Variants in GCNT2 observed in about 807,000 individuals in gnomAD.
The protein encoded by GCNT2 is N-acetyllactosaminide beta-1,6-N-acetylglucosaminyl-transferase.
Under a neutral mutation model 34.2 loss-of-function variants are expected in GCNT2, and 34 were observed. That is an observed-to-expected ratio of 1.00 (90% CI 0.76 to 1.32). The LOEUF (loss-of-function observed/expected upper bound fraction) is 1.32, where lower values mean the gene tolerates loss of function less well. Among genes scored for constraint, GCNT2 ranks in the 40% most tolerant of loss-of-function variants. The probability of loss-of-function intolerance (pLI) is 0.00; values close to 1 mark genes in which losing one functional copy is unlikely to be tolerated. For synonymous variants in GCNT2, 212 were observed against 188.0 expected (o/e 1.13, Z -1.04); for missense variants, 584 against 489.4 (o/e 1.19, Z -1.82).
chr6:10,533,800 CAAAAAAAAAA>C (rs869274003), intron 3 of GCNT2, among the ~76,000 whole-genome samples: 10 of 43,376 alleles, frequency 2.3e-4, no homozygotes, highest in South Asian at 2.4e-3. Flanking sequence ...GACTCTGTCT[CAAAAAAAAAA>C]AAAAAAAAAA....
rs1216362436 is a variant in GCNT2, at chr6:10,534,708, C to A, written c.925+4872C>A. ...ATACCTTGTCTCTACAAAAAAAAAT[C>A]AAAAAATAGTCAGGCGTGGTGGCAT... is the stretch of plus-strand genomic sequence containing the variant. On this transcript the variant is annotated intron_variant, in intron 3 of 4. Coordinates refer to ENST00000495262, the MANE Select transcript of GCNT2 (RefSeq NM_145649.5). 5.4e-5 allele frequency among the ~76,000 whole-genome samples: 8 copies of A among 148,906 alleles called. No individual in the cohort carries two copies. In the South Asian group the frequency reaches 1.0e-3, roughly 19 times the overall value.
intron 3 of GCNT2, among the ~76,000 whole-genome samples, chr6:10,563,756 G>GAAAAAAAAAAAAAA: frequency 1.8e-5 from 1 of 55,792 alleles, no homozygotes; most frequent in Non-Finnish European, 3.6e-5. Flanking sequence ...AAAGAAAAAA[G>GAAAAAAAAAAAAAA]AAAAAAAAAA....
At chr6:10,584,537 T>C (rs975360920) in intron 3 of GCNT2, among the ~76,000 whole-genome samples, 28 of 152,128 alleles carry the variant, frequency 1.8e-4, no homozygotes, top group Non-Finnish European at 2.1e-4. Context: ...TGTAAGGTCT[T>C]TCCCTTCCCA....
intron 3 of GCNT2, among the ~76,000 whole-genome samples, chr6:10,582,444 T>C (rs1212403906): frequency 4.0e-5 from 5 of 126,156 alleles, no homozygotes; most frequent in African/African-American, 1.6e-4. Flanking sequence ...TAATATTTAT[T>C]ATATAATATA....
chr6:10,625,348 C>T (rs1259929291), intron 4 of GCNT2, among the ~76,000 whole-genome samples: 2 of 152,154 alleles, frequency 1.3e-5, no homozygotes, highest in Admixed American at 1.3e-4. Context: ...ACTTGTGAGA[C>T]ACAAGGCCCA....
rs751945306 is a variant in GCNT2, at chr6:10,621,318, C to G, written c.926-33C>G. On this transcript the variant is annotated intron_variant, in intron 3 of 4. Coordinates refer to ENST00000495262, the MANE Select transcript of GCNT2 (RefSeq NM_145649.5). ...ATTGATGCCCTTCTCTCATGACTCTCATCTCTACGCTTCTTCTTTATCAAC... is the reference window on the plus strand; with the variant it reads ...ATTGATGCCCTTCTCTCATGACTCTGATCTCTACGCTTCTTCTTTATCAAC... The G allele has an allele frequency of 4.4e-6, 6 of 1,367,726 alleles. No individual in the cohort carries two copies. The Admixed American group carries it at 1.0e-4, about 24-fold the overall frequency. The allele number at this position is 1,367,726 out of a possible 1,614,324, so 84.7% of individuals were successfully genotyped here. A position where few individuals can be genotyped will look rare whatever the true frequency, so the allele number is the denominator to read the frequency against.
intron 3 of GCNT2, among the ~76,000 whole-genome samples, chr6:10,585,174 T>C (rs911569316): frequency 3.9e-5 from 6 of 152,094 alleles, no homozygotes; most frequent in South Asian, 2.1e-4. Flanking sequence ...ATGTTACAAA[T>C]GTATTTTTTA....
intron 3 of GCNT2, among the ~76,000 whole-genome samples, chr6:10,617,578 C>G (rs1027646247): frequency 6.6e-6 from 1 of 152,156 alleles, no homozygotes; most frequent in Non-Finnish European, 1.5e-5. Flanking sequence ...CTCACCGTGA[C>G]TTAGAATGCG....
chr6:10,541,002 ATTG>A (rs1762014074), intron 3 of GCNT2, among the ~76,000 whole-genome samples: 1 of 152,068 alleles, frequency 6.6e-6, no homozygotes, highest in Middle Eastern at 3.4e-3. Context: ...GAATTTGTAT[ATTG>A]TTTTTGTTTT....
At chr6:10,586,806 T>G in intron 3 of GCNT2, 1 of 1,613,768 alleles carries the variant, frequency 6.2e-7, no homozygotes, top group Non-Finnish European at 8.5e-7. Context: ...TACCAGAGAC[T>G]TTGTCGACTT....
chr6:10,533,418 G>C (rs1183802624), intron 3 of GCNT2, among the ~76,000 whole-genome samples: 2 of 152,088 alleles, frequency 1.3e-5, no homozygotes, highest in Non-Finnish European at 2.9e-5. Flanking sequence ...GGGAGCCATA[G>C]ATCTAAAATC....
intron 3 of GCNT2, among the ~76,000 whole-genome samples, chr6:10,554,164 G>C (rs959653325): frequency 3.3e-5 from 5 of 152,134 alleles, no homozygotes; most frequent in African/African-American, 9.7e-5. Flanking sequence ...TGGATAAGCA[G>C]GTTGTACAGC....
intron 3 of GCNT2, among the ~76,000 whole-genome samples, chr6:10,537,698 CAAAAAAAAAAAAAAA>C (rs201257236): frequency 6.0e-5 from 5 of 83,218 alleles, no homozygotes; most frequent in Admixed American, 1.4e-4. Flanking sequence ...GATTCTGCCG[CAAAAAAAAAAAAAAA>C]AAAAAAAAAA....
chr6:10,612,091 A>G lies in GCNT2; in HGVS notation c.926-9260A>G, dbSNP rs376855538. Among the ~76,000 whole-genome samples, 7 of 151,688 alleles carry G rather than the reference A, an allele frequency of 4.6e-5. 1 individual carries two copies. Among genetic ancestry groups the G allele is most frequent in the African/African-American group, 1.5e-4 (6 of 41,330 alleles). ...AACCTCTGCCTCCTGGGTTGGAGCAATTCTCCTGCCTCAGCCTCCCAAGGA... is the reference window on the plus strand; with the variant it reads ...AACCTCTGCCTCCTGGGTTGGAGCAGTTCTCCTGCCTCAGCCTCCCAAGGA... On this transcript the variant is annotated intron_variant, in intron 3 of 4. Coordinates refer to ENST00000495262, the MANE Select transcript of GCNT2 (RefSeq NM_145649.5).
chr6:10,533,664 C>A (rs1226622536), intron 3 of GCNT2, among the ~76,000 whole-genome samples: 1 of 151,564 alleles, frequency 6.6e-6, no homozygotes, highest in Non-Finnish European at 1.5e-5. Context: ...TAGCTTGTGC[C>A]TGTAACCCCA....
chr6:10,610,657 C>G (rs564367509), intron 3 of GCNT2, among the ~76,000 whole-genome samples: 221 of 152,182 alleles, frequency 1.5e-3, no homozygotes, highest in South Asian at 2.9e-3. Flanking sequence ...AGCTGAAAAC[C>G]CCAAGAATAT....
At chr6:10,591,587 C>T (rs558288614) in intron 3 of GCNT2, among the ~76,000 whole-genome samples, 3 of 152,310 alleles carry the variant, frequency 2.0e-5, no homozygotes, top group South Asian at 4.2e-4. Flanking sequence ...TCACAGCAGG[C>T]GGCGTATGCA....
chr6:10,585,311 C>T (rs1764298091), intron 3 of GCNT2, among the ~76,000 whole-genome samples: 1 of 152,092 alleles, frequency 6.6e-6, no homozygotes, highest in Non-Finnish European at 1.5e-5. Context: ...TCCTGAGTAG[C>T]TGAGACTACA....
intron 3 of GCNT2, among the ~76,000 whole-genome samples, chr6:10,569,877 CTCTTTCTTTT>C (rs1224938684): frequency 2.2e-5 from 3 of 136,522 alleles, no homozygotes; most frequent in Admixed American, 7.1e-5. Flanking sequence ...TTCTTTCTTT[CTCTTTCTTTT>C]TCTTTCTTTC....
Sources: allele counts gnomAD v4.1 joint callset (sites outside exome capture counted in the v4.1 genomes callset), GRCh38; gene constraint gnomAD v4.1.1; transcripts MANE v1.5; gene names NCBI Gene and HGNC (gene_info 2026-07-23, HGNC 2026-07-21).